Variants in ARV1 observed in about 807,000 individuals in gnomAD.
ARV1 encodes ARV1 fatty acid homeostasis modulator.
In ARV1, 26 loss-of-function variants were observed where a neutral mutation model predicts 31.1. That is an observed-to-expected ratio of 0.84 (90% CI 0.61 to 1.16). The LOEUF (loss-of-function observed/expected upper bound fraction) is 1.16, where lower values mean the gene tolerates loss of function less well. Ranked by LOEUF, ARV1 falls within the 50% of genes most tolerant of loss-of-function variation. The pLI is 0.00. For synonymous variants in ARV1, 117 were observed against 123.2 expected (o/e 0.95, Z 0.34); for missense variants, 281 against 324.9 (o/e 0.86, Z 1.04).
intron 1 of ARV1, among the ~76,000 whole-genome samples, chr1:230,987,365 C>T (rs1229211969): frequency 6.6e-6 from 1 of 152,160 alleles, no homozygotes; most frequent in East Asian, 1.9e-4. Flanking sequence ...ACTGTGGCTA[C>T]GGGAGGACTG....
chr1:230,992,042 C>A (rs192787552), intron 3 of ARV1, among the ~76,000 whole-genome samples: 2,439 of 152,290 alleles, frequency 0.016, 28 homozygotes, highest in Non-Finnish European at 0.028. Context: ...GTTTGCTAGC[C>A]CAGTTCTCCA....
At chr1:230,991,265 C>CA (rs962555101) in intron 3 of ARV1, among the ~76,000 whole-genome samples, 2 of 152,178 alleles carry the variant, frequency 1.3e-5, no homozygotes, top group African/African-American at 4.8e-5. Flanking sequence ...ACTCCAATAT[C>CA]ACATTTCTGG....
chr1:230,979,244 G>A lies in ARV1; in HGVS notation c.139G>A (p.Asp47Asn), dbSNP rs752075233. 6 of 1,613,436 alleles carry A rather than the reference G, an allele frequency of 3.7e-6. No homozygotes were observed. The highest frequency in any genetic ancestry group is 1.1e-5 in the South Asian group (1 of 90,910). Residue 47 changes from aspartate (D) to asparagine (N), a missense_variant, in exon 1 of 6, where the codon GAC (aspartate) becomes AAC (asparagine). Transcript: ENST00000310256. ...CCAGGAGGCCAAAGAGTTGTACCGA[G>A]ACTATAACCACGGTGTGCTGAAGAT... Reference protein sequence around the residue: ...CNQEAKELYRDYNHGVLKITI... With the variant: ...CNQEAKELYRNYNHGVLKITI...
intron 1 of ARV1, among the ~76,000 whole-genome samples, chr1:230,984,367 T>TGTGTGC (rs1553303971): frequency 6.1e-4 from 76 of 124,358 alleles, no homozygotes; most frequent in African/African-American, 2.5e-3. Context: ...TGTGTGCGTG[T>TGTGTGC]GTGTGTGTGT....
intron 3 of ARV1, among the ~76,000 whole-genome samples, chr1:230,993,567 C>T (rs991712686): frequency 6.6e-6 from 1 of 152,112 alleles, no homozygotes; most frequent in Non-Finnish European, 1.5e-5. Context: ...TTTTATGTGT[C>T]TTAGTCTAAT....
chr1:230,990,720 AC>A (rs1263819517), intron 3 of ARV1: 1 of 236,230 alleles, frequency 4.2e-6, no homozygotes, highest in Non-Finnish European at 8.8e-6. Flanking sequence ...CACACCATGC[AC>A]CACCTCCAGC....
chr1:230,979,992 G>A (rs1300835367), intron 1 of ARV1, among the ~76,000 whole-genome samples: 1 of 152,176 alleles, frequency 6.6e-6, no homozygotes, highest in Non-Finnish European at 1.5e-5. Flanking sequence ...ACCTGTCACA[G>A]AATAGACAGT....
chr1:230,996,300 G>A (rs972578773), intron 4 of ARV1, among the ~76,000 whole-genome samples: 5 of 152,090 alleles, frequency 3.3e-5, no homozygotes, highest in East Asian at 1.9e-4. Context: ...CTTGTCCGAC[G>A]TTACATGGCT....
At chr1:230,998,207 C>T (rs1057363988) in intron 5 of ARV1, among the ~76,000 whole-genome samples, 1 of 152,184 alleles carries the variant, frequency 6.6e-6, no homozygotes, top group Non-Finnish European at 1.5e-5. Context: ...GGACCTTAGG[C>T]AGGATCCTGG....
rs374689782 is a variant in ARV1 at position 230,984,343 on chromosome 1, CGTGT to C, written c.175-3961_175-3958del. On this transcript the variant is annotated intron_variant, in intron 1 of 5. Coordinates refer to ENST00000310256, the MANE Select transcript of ARV1 (RefSeq NM_022786.3). ...TTGGGATGTCTACATTTGTTTGTTT[CGTGT>C]GTGTGTGTGTGTGTGCGTGTGTGTG... is the stretch of plus-strand genomic sequence containing the variant. 2.2e-3 allele frequency among the ~76,000 whole-genome samples: 260 copies of C among 119,326 alleles called. 1 individual carries two copies. Among genetic ancestry groups the C allele is most frequent in the African/African-American group, 6.5e-3 (221 of 34,200 alleles). The allele number at this position is 119,326 out of a possible 152,430, so 78.3% of individuals were successfully genotyped here.
chr1:230,998,897 C>G (rs1679450443), intron 5 of ARV1, among the ~76,000 whole-genome samples: 1 of 152,104 alleles, frequency 6.6e-6, no homozygotes, highest in Non-Finnish European at 1.5e-5. Context: ...GGTGACAGAA[C>G]AAGATCCTGT....
intron 1 of ARV1, among the ~76,000 whole-genome samples, chr1:230,980,953 T>A (rs1678896048): frequency 6.6e-6 from 1 of 152,182 alleles, no homozygotes; most frequent in South Asian, 2.1e-4. Context: ...TAGAAACTGT[T>A]CTTGTTAAGA....
chr1:230,995,730 T>C, intron 3 of ARV1, 30 bp from the exon 4 acceptor site: 1 of 1,555,110 alleles, frequency 6.4e-7, no homozygotes, highest in South Asian at 1.1e-5. Flanking sequence ...ATGGGGACAT[T>C]CATACTTTTA....
chr1:230,995,582 TA>T (rs36036399), intron 3 of ARV1, among the ~76,000 whole-genome samples, 177 bp from the exon 4 acceptor site: 11 of 141,712 alleles, frequency 7.8e-5, no homozygotes, highest in Admixed American at 2.1e-4. Context: ...GGGGTTTATT[TA>T]AAAAAAAAAA....
intron 3 of ARV1, 55 bp from the exon 4 acceptor site, chr1:230,995,705 G>A: frequency 7.5e-7 from 1 of 1,340,274 alleles, no homozygotes; most frequent in Non-Finnish European, 1.0e-6. Flanking sequence ...TTGTTTTTAA[G>A]GGGATATATT....
At chr1:230,986,554 T>C (rs914152296) in intron 1 of ARV1, among the ~76,000 whole-genome samples, 1 of 152,130 alleles carries the variant, frequency 6.6e-6, no homozygotes, top group Non-Finnish European at 1.5e-5. Context: ...TTGGGGTATA[T>C]GTTCCAGGAC....
Position 230,995,899 on chromosome 1 carries a change from T to C in ARV1, c.588T>C (p.Ala196=). Residue 196 remains alanine (A), a synonymous_variant, in exon 4 of 6, where the codon GCT becomes GCC. Coordinates refer to ENST00000310256, the MANE Select transcript of ARV1 (RefSeq NM_022786.3). The part of the protein sequence containing the change: ...SSYGKLLLIP[A]VIWEHDYTSV... ...ACGGAAAACTCTTGCTGATTCCAGC[T>C]GTCATTTGGGAACATGACTACACAT... The C allele has an allele frequency of 6.2e-7, 1 of 1,614,154 alleles. No individual in the cohort carries two copies. The highest frequency in any genetic ancestry group is 1.3e-5 in the African/African-American group (1 of 75,052).
intron 1 of ARV1, among the ~76,000 whole-genome samples, chr1:230,981,392 T>C (rs1025135391): frequency 1.1e-4 from 17 of 152,254 alleles, no homozygotes; most frequent in Admixed American, 1.0e-3. Context: ...TCACAGTTAA[T>C]GGCAACTTTA....
rs570388855 is a variant in ARV1 at position 230,999,974 on chromosome 1, A to T, written c.*5-164A>T. 8.5e-5 allele frequency: 13 copies of T among 152,170 alleles called. No homozygotes were observed. In the East Asian group the frequency reaches 2.5e-3, roughly 29 times the overall value. The allele number at this position is 152,170 out of a possible 1,614,324, so 9.4% of individuals were successfully genotyped here. ...TATGTCTGTCTGGTATTAAAATTTCATGTGTTTATGCCTCACTCTCCCAGC... is the reference window on the plus strand; with the variant it reads ...TATGTCTGTCTGGTATTAAAATTTCTTGTGTTTATGCCTCACTCTCCCAGC... On this transcript the variant is annotated intron_variant, in intron 5 of 5. Coordinates refer to ENST00000310256, the MANE Select transcript of ARV1 (RefSeq NM_022786.3).
Sources: gnomAD v4.1 joint callset for allele counts (sites outside exome capture counted in the v4.1 genomes callset) on GRCh38, gnomAD v4.1.1 for gene constraint, MANE v1.5 for transcripts, NCBI Gene and HGNC (gene_info 2026-07-23, HGNC 2026-07-21) for gene names.